DNAH2: variants seen among roughly 807,000 people sequenced by gnomAD.
DNAH2 encodes the protein axonemal beta dynein heavy chain 2.
A neutral mutation model predicts 523.5 loss-of-function variants in DNAH2; 323 were observed. The ratio of observed to expected loss-of-function variants is 0.62; its 90% CI spans 0.56 to 0.68. The LOEUF (loss-of-function observed/expected upper bound fraction) is 0.68, where lower values mean the gene tolerates loss of function less well. DNAH2 is among the 30% of genes least tolerant of loss of function. The pLI is 0.00. For missense variants in DNAH2, 4,907 were observed against 5,701.5 expected (o/e 0.86, Z 4.49); for synonymous variants, 2,093 against 2,177.4 (o/e 0.96, Z 1.08).
chr17:7,819,844 C>A (rs1567754741), intron 72 of DNAH2, among the ~76,000 whole-genome samples: 1 of 152,176 alleles, frequency 6.6e-6, no homozygotes, highest in Non-Finnish European at 1.5e-5. Flanking sequence ...ATCCCACAGA[C>A]CCTTCAAGCT....
rs1489915936 is a variant in DNAH2, at chr17:7,828,562, C to T, written c.11854-1738C>T. 6.6e-6 allele frequency among the ~76,000 whole-genome samples: 1 copy of T among 152,080 alleles called. No individual in the cohort carries two copies. Among genetic ancestry groups the T allele is most frequent in the Non-Finnish European group, 1.5e-5 (1 of 68,040 alleles). On this transcript the variant is annotated intron_variant, in intron 77 of 85. Transcript: ENST00000572933. This position sits in a 1 kb window ranked among gnomAD's most constrained non-coding sequence, Gnocchi z 4.1. ...GGTGGCATGAGCCACTGTTCCCAGCCTCCATTTATTATTTATTTTAATAAA... is the reference window on the plus strand; with the variant it reads ...GGTGGCATGAGCCACTGTTCCCAGCTTCCATTTATTATTTATTTTAATAAA...
rs755405598 is a variant in DNAH2, at chr17:7,823,508, A to G, written c.11209A>G (p.Asn3737Asp). ...CTGGCTTGCAGATGCCTACTGGGAT[A>G]ACATCACAGAGCTAGACAAACTGAC... is the stretch of plus-strand genomic sequence containing the variant. ...SSWLADAYWDNITELDKLTNF... is the reference protein window; with the variant it reads ...SSWLADAYWDDITELDKLTNF... The change falls in exon 74 of 86, where the codon AAC becomes GAC. Residue 3737 changes from asparagine (N) to aspartate (D), a missense_variant. Asn to Asp is a conservative substitution (Grantham distance 23). Coordinates refer to ENST00000572933, the MANE Select transcript of DNAH2 (RefSeq NM_020877.5). 6.2e-7 allele frequency: 1 copy of G among 1,614,116 alleles called. No individual in the cohort carries two copies. The highest frequency in any genetic ancestry group is 1.1e-5 in the South Asian group (1 of 91,076).
chr17:7,815,127 T>C (rs939491323), intron 63 of DNAH2, among the ~76,000 whole-genome samples: 2 of 152,244 alleles, frequency 1.3e-5, no homozygotes, highest in Non-Finnish European at 2.9e-5. Context: ...CCATGTTGTT[T>C]TAAAGAATAT....
At position 7,798,525 on chromosome 17, in the gene DNAH2, A is replaced by C. The variant is rs1567718729; in HGVS notation, c.8399-33A>C. The C allele has an allele frequency of 6.2e-7, 1 of 1,611,538 alleles. No individual in the cohort carries two copies. Among genetic ancestry groups the C allele is most frequent in the Non-Finnish European group, 8.5e-7 (1 of 1,178,778 alleles). ...ATCAAGCCCAGGATGGGGAATCTGC[A>C]GTGAGTTTGTCCTCCTTCCCTCCCC... On this transcript the variant is annotated intron_variant, in intron 54 of 85. Coordinates refer to ENST00000572933, the MANE Select transcript of DNAH2 (RefSeq NM_020877.5). The surrounding 1 kb of genome is among the most constrained non-coding windows in gnomAD (Gnocchi z 5.5).
At chr17:7,722,197 G>A (rs1004232184) in intron 2 of DNAH2, among the ~76,000 whole-genome samples, 2 of 141,384 alleles carry the variant, frequency 1.4e-5, no homozygotes, top group East Asian at 2.0e-4. Context: ...CGGGGGGGGG[G>A]GTTCACCATC....
chr17:7,822,067 C>T (rs867936179), intron 73 of DNAH2, among the ~76,000 whole-genome samples: 2 of 152,186 alleles, frequency 1.3e-5, no homozygotes, highest in Admixed American at 6.5e-5. Flanking sequence ...ACCTCCCAGG[C>T]TCAAGCCATC....
chr17:7,776,826 G>A lies in DNAH2; in HGVS notation c.4995G>A (p.Lys1665=). The change falls in exon 32 of 86, where the codon AAG becomes AAA. Residue 1665 remains lysine (K), a synonymous_variant. Transcript: ENST00000572933. ...TCCAGTGGACGGCTGATGTCACCAA[G>A]TGCCTGCTGACAGCGAAGGAGCGGG... ...SQIQWTADVT[K]CLLTAKERAD... is the part of the protein sequence containing the mutation. 1 of 1,613,314 alleles carries A rather than the reference G, an allele frequency of 6.2e-7. No individual in the cohort carries two copies. The highest frequency in any genetic ancestry group is 8.5e-7 in the Non-Finnish European group (1 of 1,179,484).
Position 7,807,258 on chromosome 17 carries a change from A to G in DNAH2, c.9551A>G (p.Asp3184Gly), listed in dbSNP as rs371805612. ...TGCGCCCAGCCTGACTTCCAGCCTG[A>G]TATCATCGGCCGCGTCTCCCTGGCT... is the stretch of plus-strand genomic sequence containing the variant. The part of the protein sequence containing the change: ...AYCAQPDFQP[D>G]IIGRVSLAAK... The change falls in exon 62 of 86, where the codon GAT (aspartate) becomes GGT (glycine). Residue 3184 changes from aspartate (D) to glycine (G), a missense_variant. Physicochemically the swap from Asp to Gly is moderately conservative, Grantham distance 94 (BLOSUM62 -1). Around this residue, in one of 3 missense-constraint regions of DNAH2, gnomAD observed 1,851 missense variants for 2,139.4 expected, o/e 0.87. Coordinates refer to ENST00000572933, the MANE Select transcript of DNAH2 (RefSeq NM_020877.5). This position sits in a 1 kb window ranked among gnomAD's most constrained non-coding sequence, Gnocchi z 5.6. 1.9e-6 allele frequency: 3 copies of G among 1,613,860 alleles called. No homozygotes were observed. The highest frequency in any genetic ancestry group is 2.7e-5 in the African/African-American group (2 of 74,942).
chr17:7,791,827 AG>A, intron 44 of DNAH2, 89 bp from the exon 45 acceptor site: 1 of 1,297,134 alleles, frequency 7.7e-7, no homozygotes, highest in Admixed American at 2.3e-5. Flanking sequence ...AGGAAGACCC[AG>A]GCTTTCCACA....
chr17:7,782,583 A>G (rs182242645), intron 39 of DNAH2, among the ~76,000 whole-genome samples: 88 of 152,340 alleles, frequency 5.8e-4, no homozygotes, highest in African/African-American at 1.9e-3. Flanking sequence ...CAAAAATCAC[A>G]AAACACACAA....
chr17:7,820,639 G>A (rs1270467923), intron 72 of DNAH2, among the ~76,000 whole-genome samples: 1 of 152,196 alleles, frequency 6.6e-6, no homozygotes, highest in African/African-American at 2.4e-5. Flanking sequence ...TGTCCTCTCC[G>A]AGACTGTGGC....
At position 7,771,287 on chromosome 17, in the gene DNAH2, T is replaced by C. The variant is rs182840156; in HGVS notation, c.4363-43T>C. On this transcript the variant is annotated intron_variant, in intron 27 of 85. Coordinates refer to ENST00000572933, the MANE Select transcript of DNAH2 (RefSeq NM_020877.5). ...GGAACAGGGAGCAGAGGGTGGAGAG[T>C]GTGTAAGAAGTGGCCTCTCACCCCA... is the stretch of plus-strand genomic sequence containing the variant. 8.0e-5 allele frequency: 129 copies of C among 1,612,136 alleles called. No homozygotes were observed. The African/African-American group carries it at 1.4e-3, about 18-fold the overall frequency.
At chr17:7,755,003 G>C (rs1036376985) in intron 12 of DNAH2, 2 of 396,026 alleles carry the variant, frequency 5.1e-6, no homozygotes, top group African/African-American at 4.1e-5. Context: ...CCAGGAAGAA[G>C]GGTTAGCCTT....
intron 44 of DNAH2, among the ~76,000 whole-genome samples, chr17:7,789,490 G>T (rs1457908434): frequency 6.6e-6 from 1 of 152,184 alleles, no homozygotes; most frequent in African/African-American, 2.4e-5. Flanking sequence ...GCTGAGAAAG[G>T]CTGGGAGCAC....
intron 13 of DNAH2, among the ~76,000 whole-genome samples, chr17:7,757,782 C>T (rs1478702258): frequency 6.6e-6 from 1 of 152,210 alleles, no homozygotes; most frequent in Non-Finnish European, 1.5e-5. Flanking sequence ...AAGGCACCAG[C>T]AGATTTGGTG....
rs576393415 is a variant in DNAH2 at position 7,802,068 on chromosome 17, G to C, written c.8972+51G>C. The C allele has an allele frequency of 1.3e-5, 21 of 1,606,170 alleles. No individual in the cohort carries two copies. The East Asian group carries it at 4.5e-4, about 34-fold the overall frequency. On this transcript the variant is annotated intron_variant, in intron 58 of 85. Transcript: ENST00000572933. ...AGGGCCAGGGAGGCTGGTGTCTTCT[G>C]AGGGCGATGGGTGAAATGATGCTGA...
chr17:7,806,567 G>A (rs1158249331), intron 61 of DNAH2, among the ~76,000 whole-genome samples: 1 of 150,798 alleles, frequency 6.6e-6, no homozygotes, highest in East Asian at 1.9e-4. Context: ...GCTGAGGCAG[G>A]AGAATGGTGT....
intron 39 of DNAH2, 55 bp downstream of exon 39, chr17:7,781,222 C>T: frequency 6.2e-7 from 1 of 1,606,072 alleles, no homozygotes; most frequent in Non-Finnish European, 8.5e-7. Flanking sequence ...TGGTTGTAAT[C>T]CCAGCACTTT....
chr17:7,734,355 C>A, intron 6 of DNAH2, 62 bp downstream of exon 6: 1 of 1,600,588 alleles, frequency 6.2e-7, no homozygotes, highest in East Asian at 2.2e-5. Context: ...AGGGGAGGCT[C>A]GGATGCTGAC....
Sources: gnomAD v4.1 joint callset for allele counts (sites outside exome capture counted in the v4.1 genomes callset) on GRCh38, gnomAD v4.1.1 for gene constraint, gnomAD v4.1.1 regional missense constraint, Gnocchi (gnomAD v3.1) non-coding constraint, MANE v1.5 for transcripts, NCBI Gene and HGNC (gene_info 2026-07-23, HGNC 2026-07-21) for gene names.